Variants in MYO5A observed in about 807,000 individuals in gnomAD.
MYO5A encodes myosin VA.
MYO5A carries 98 observed loss-of-function variants against 249.7 expected under a neutral mutation model. The observed-to-expected ratio is 0.39, with a 90% CI of 0.33 to 0.46. MYO5A has a LOEUF of 0.46. Ranked by LOEUF, MYO5A falls within the 20% of genes least tolerant of loss-of-function variation. The pLI is 0.98. For missense variants in MYO5A, 1,696 were observed against 2,308.8 expected (o/e 0.73, Z 5.44); for synonymous variants, 778 against 810.6 (o/e 0.96, Z 0.68).
intron 1 of MYO5A, among the ~76,000 whole-genome samples, chr15:52,520,444 T>G (rs990278501): frequency 6.6e-6 from 1 of 152,196 alleles, no homozygotes; most frequent in Non-Finnish European, 1.5e-5. Context: ...TAAGATCATG[T>G]GATCTGCAGG....
chr15:52,402,286 C>A (rs1250056732), intron 9 of MYO5A, among the ~76,000 whole-genome samples: 1 of 152,140 alleles, frequency 6.6e-6, no homozygotes, highest in African/African-American at 2.4e-5. Context: ...AGTTTTCTGC[C>A]TCTACTTGGC....
intron 1 of MYO5A, among the ~76,000 whole-genome samples, chr15:52,519,542 T>A (rs8025569): frequency 0.62 from 94,509 of 151,482 alleles, 30,410 homozygotes; most frequent in East Asian, 0.71. Context: ...AGCCCAGGAG[T>A]TCGAGGCTGC....
At chr15:52,423,113 C>A (rs185547547) in intron 4 of MYO5A, among the ~76,000 whole-genome samples, 1 of 152,110 alleles carries the variant, frequency 6.6e-6, no homozygotes, top group Non-Finnish European at 1.5e-5. Flanking sequence ...CAGTGTCTGG[C>A]GTTTGGACGG....
intron 7 of MYO5A, 60 bp from the exon 8 acceptor site, chr15:52,407,459 A>G (rs1284283447): frequency 1.7e-6 from 2 of 1,204,504 alleles, no homozygotes; most frequent in Non-Finnish European, 2.5e-6. Context: ...TTCTAACCTT[A>G]TGTCCACTCT....
In MYO5A at chr15:52,397,236, T is replaced by C. The variant is rs1448928809; in HGVS notation, c.1284A>G (p.Lys428=). The C allele has an allele frequency of 1.2e-6, 2 of 1,614,058 alleles. No individual in the cohort carries two copies. The highest frequency in any genetic ancestry group is 1.7e-5 in the Admixed American group (1 of 60,020). Residue 428 remains lysine (K), a synonymous_variant, in exon 10 of 42, where the codon AAA becomes AAG. Coordinates refer to ENST00000399233, the MANE Select transcript of MYO5A (RefSeq NM_001382347.1). ...NVNQALHSAV[K]QHSFIGVLDI... is the part of the protein sequence containing the mutation. ...CTAGCACACCAATAAAAGAGTGCTG[T>C]TTGACAGCAGAATGGAGAGCCTGAT...
intron 9 of MYO5A, among the ~76,000 whole-genome samples, chr15:52,404,848 A>C (rs2042926861): frequency 6.6e-6 from 1 of 152,176 alleles, no homozygotes; most frequent in South Asian, 2.1e-4. Flanking sequence ...GTCAGTCATG[A>C]AGGCCCTTTC....
At chr15:52,503,736 G>A (rs543578448) in intron 1 of MYO5A, among the ~76,000 whole-genome samples, 75 of 152,220 alleles carry the variant, frequency 4.9e-4, no homozygotes, top group African/African-American at 1.8e-3. Flanking sequence ...TATTATGTTC[G>A]TCTCCTGATA....
intron 1 of MYO5A, among the ~76,000 whole-genome samples, chr15:52,503,556 C>A (rs1566861886): frequency 6.6e-6 from 1 of 152,088 alleles, no homozygotes; most frequent in Non-Finnish European, 1.5e-5. Context: ...ATCACTTGAA[C>A]CTGGGAGGAT....
chr15:52,514,536 A>G (rs893287942), intron 1 of MYO5A, among the ~76,000 whole-genome samples: 2 of 152,208 alleles, frequency 1.3e-5, no homozygotes, highest in African/African-American at 4.8e-5. Context: ...GAAGAAGGCA[A>G]AGTTGGCAAG....
chr15:52,418,719 C>CAAGAGAGAGATAGAGAAAGAGAGA (rs2043636331), intron 4 of MYO5A, among the ~76,000 whole-genome samples: 1 of 130,720 alleles, frequency 7.6e-6, no homozygotes, highest in East Asian at 2.2e-4. Flanking sequence ...CAAGGATGAG[C>CAAGAGAGAGATAGAGAAAGAGAGA]AAGAGAGAGA....
intron 6 of MYO5A, among the ~76,000 whole-genome samples, chr15:52,409,037 A>G (rs2141230255): frequency 6.6e-6 from 1 of 152,274 alleles, no homozygotes; most frequent in African/African-American, 2.4e-5. Flanking sequence ...AAAGGACAAT[A>G]CAAGTATGCC....
chr15:52,347,655 A>T (rs1035210011), intron 29 of MYO5A, among the ~76,000 whole-genome samples: 1 of 152,212 alleles, frequency 6.6e-6, no homozygotes, highest in Non-Finnish European at 1.5e-5. Flanking sequence ...CTTAAAAAAA[A>T]TACCACTTTT....
At chr15:52,429,399 C>G (rs769904623) in intron 2 of MYO5A, among the ~76,000 whole-genome samples, 1 of 151,558 alleles carries the variant, frequency 6.6e-6, no homozygotes, top group African/African-American at 2.4e-5. Flanking sequence ...ATTAAAAATA[C>G]AAAAATTGGC....
At chr15:52,443,409 G>A (rs145067112) in intron 1 of MYO5A, among the ~76,000 whole-genome samples, 1 of 152,180 alleles carries the variant, frequency 6.6e-6, no homozygotes, top group African/African-American at 2.4e-5. Flanking sequence ...TGCTGACTCT[G>A]CAAGTTACCT....
intron 1 of MYO5A, among the ~76,000 whole-genome samples, chr15:52,507,750 G>A (rs931732429): frequency 7.1e-6 from 1 of 140,692 alleles, no homozygotes; most frequent in Non-Finnish European, 1.5e-5. Flanking sequence ...GCTGCAGTGA[G>A]CCATGATCCC....
At chr15:52,320,721 G>C (rs184939515) in intron 38 of MYO5A, among the ~76,000 whole-genome samples, 24 of 152,278 alleles carry the variant, frequency 1.6e-4, no homozygotes, top group African/African-American at 5.5e-4. Context: ...AGCCTTAAGA[G>C]CCTGCTGATA....
At position 52,438,479 on chromosome 15, in the gene MYO5A, G is replaced by A. The variant is rs77468453; in HGVS notation, c.28-5194C>T. Among the ~76,000 whole-genome samples the A allele has an allele frequency of 7.5e-3, 1,149 of 152,254 alleles. 35 individuals are homozygous for A. The highest frequency in any genetic ancestry group is 0.055 in the East Asian group (286 of 5,170). On this transcript the variant is annotated intron_variant, in intron 1 of 41. Coordinates refer to ENST00000399233, the MANE Select transcript of MYO5A (RefSeq NM_001382347.1). ...ACTGGACACAGCCCCAGCAAGGCAA[G>A]GGAAAGCCCCTGTTGAGAGACAGGA...
chr15:52,471,734 G>A (rs2076476864), intron 1 of MYO5A, among the ~76,000 whole-genome samples: 1 of 152,110 alleles, frequency 6.6e-6, no homozygotes, highest in African/African-American at 2.4e-5. Flanking sequence ...GTCTCATTCT[G>A]TTGCCCCAGG....
intron 37 of MYO5A, among the ~76,000 whole-genome samples, chr15:52,322,956 T>C (rs1386021772): frequency 3.9e-5 from 6 of 152,144 alleles, no homozygotes; most frequent in African/African-American, 1.4e-4. Flanking sequence ...ACATTAGGTA[T>C]ATCTCCCAAT....
Sources: gnomAD v4.1 joint callset for allele counts (sites outside exome capture counted in the v4.1 genomes callset) on GRCh38, gnomAD v4.1.1 for gene constraint, MANE v1.5 for transcripts, NCBI Gene and HGNC (gene_info 2026-07-23, HGNC 2026-07-21) for gene names.